The following MGAT5 variants were observed in gnomAD, a reference collection of about 807,000 sequenced individuals.
MGAT5 encodes alpha-1,6-mannosylglycoprotein 6-beta-N-acetylglucosaminyltransferase.
Under a neutral mutation model 94.3 loss-of-function variants are expected in MGAT5, and 30 were observed. The ratio of observed to expected loss-of-function variants is 0.32; its 90% CI spans 0.24 to 0.43. The LOEUF (loss-of-function observed/expected upper bound fraction) is 0.43. MGAT5 is among the 20% of genes least tolerant of loss of function. MGAT5 has a pLI of 1.00. For missense variants in MGAT5, 691 were observed against 905.5 expected, an observed-to-expected ratio of 0.76 and a Z score of 3.04; for synonymous variants, 310 against 322.9, an observed-to-expected ratio of 0.96 and a Z score of 0.43.
chr2:134,424,780 C>T (rs934300728), intron 13 of MGAT5, among the ~76,000 whole-genome samples: 1 of 152,232 alleles, frequency 6.6e-6, no homozygotes, highest in African/African-American at 2.4e-5. Context: ...TAGATATCCT[C>T]CCTTGCCTCT....
chr2:134,376,100 A>G (rs1282250820), intron 10 of MGAT5, among the ~76,000 whole-genome samples: 1 of 152,178 alleles, frequency 6.6e-6, no homozygotes. Flanking sequence ...AGGCCTCCAG[A>G]TGGTGCCAGC....
chr2:134,121,672 A>G (rs886297915), intron 1 of MGAT5, among the ~76,000 whole-genome samples: 1 of 152,186 alleles, frequency 6.6e-6, no homozygotes, highest in African/African-American at 2.4e-5. Context: ...GGAAGGGGCA[A>G]ACTCAGTTGT....
In MGAT5 at chr2:134,441,930, G is replaced by T. The variant is rs1685507496; in HGVS notation, c.2027+15G>T. 9 of 1,609,960 alleles carry T rather than the reference G, an allele frequency of 5.6e-6. No homozygotes were observed. The highest frequency in any genetic ancestry group is 1.3e-5 in the African/African-American group (1 of 74,802). ...GACATGCTGAAGTAAGTGCCCTGGG[G>T]TGGGGGTGGGGACTCAGCCCCTAGA... On this transcript the variant is annotated intron_variant, in intron 15 of 15. Coordinates refer to ENST00000281923, the MANE Select transcript of MGAT5 (RefSeq NM_002410.5).
chr2:134,158,800 A>G (rs1687596339), intron 1 of MGAT5, among the ~76,000 whole-genome samples: 1 of 152,094 alleles, frequency 6.6e-6, no homozygotes, highest in Non-Finnish European at 1.5e-5. Flanking sequence ...GATCCCCCCA[A>G]AGAGCTTTTA....
At chr2:134,200,377 A>G (rs1385478098) in intron 1 of MGAT5, among the ~76,000 whole-genome samples, 1 of 151,922 alleles carries the variant, frequency 6.6e-6, no homozygotes, top group Non-Finnish European at 1.5e-5. Flanking sequence ...TCTTCTGGAA[A>G]TTTCTCTCAT....
intron 1 of MGAT5, among the ~76,000 whole-genome samples, chr2:134,161,230 A>G (rs566783552): frequency 6.6e-6 from 1 of 152,216 alleles, no homozygotes; most frequent in African/African-American, 2.4e-5. Context: ...CCTTGCATTG[A>G]TAACTGAGCA....
At chr2:134,347,323 C>T (rs569690876) in intron 8 of MGAT5, among the ~76,000 whole-genome samples, 2 of 152,216 alleles carry the variant, frequency 1.3e-5, no homozygotes, top group East Asian at 1.9e-4. Flanking sequence ...GAGAGACATC[C>T]GATCATTCCA....
intron 1 of MGAT5, among the ~76,000 whole-genome samples, chr2:134,237,828 G>A (rs189636338): frequency 7.3e-5 from 11 of 150,248 alleles, no homozygotes; most frequent in Admixed American, 2.0e-4. Flanking sequence ...TTGGCTCACC[G>A]CAGCCTCTGC....
chr2:134,174,446 A>C (rs976234244), intron 1 of MGAT5, among the ~76,000 whole-genome samples: 4 of 152,292 alleles, frequency 2.6e-5, no homozygotes, highest in African/African-American at 7.2e-5. Context: ...GGCTAGTGCC[A>C]GTGGCTGGCA....
chr2:134,263,425 G>A (rs1233639302), intron 1 of MGAT5, among the ~76,000 whole-genome samples: 1 of 152,184 alleles, frequency 6.6e-6, no homozygotes, highest in African/African-American at 2.4e-5. Context: ...CACAAGTTCT[G>A]GTGAAAGCTT....
Position 134,424,566 on chromosome 2 carries a change from A to G in MGAT5, c.1794+1647A>G, listed in dbSNP as rs16830605. On this transcript the variant is annotated intron_variant, in intron 13 of 15. Coordinates refer to ENST00000281923, the MANE Select transcript of MGAT5 (RefSeq NM_002410.5). The stretch of plus-strand genomic sequence containing the variant: ...CACACACCAAAAGCTTCACTACTGG[A>G]GTCATTCCTATGGAAGGGTGAAGGT... Among the ~76,000 whole-genome samples the G allele has an allele frequency of 7.7e-3, 1,172 of 152,274 alleles. 15 individuals are homozygous for G. Among genetic ancestry groups the G allele is most frequent in the African/African-American group, 0.026 (1,089 of 41,520 alleles).
intron 6 of MGAT5, 67 bp from the exon 7 acceptor site, chr2:134,341,523 T>C: frequency 1.5e-6 from 2 of 1,319,528 alleles, no homozygotes; most frequent in Non-Finnish European, 1.0e-6. Flanking sequence ...CAATCATTTC[T>C]TGGCGCATTA....
intron 1 of MGAT5, among the ~76,000 whole-genome samples, chr2:134,138,674 G>C (rs1457114183): frequency 6.6e-6 from 1 of 152,174 alleles, no homozygotes; most frequent in African/African-American, 2.4e-5. Flanking sequence ...TGTGCACACT[G>C]TCTAATGTCA....
intron 1 of MGAT5, among the ~76,000 whole-genome samples, chr2:134,177,006 G>T (rs1289379792): frequency 6.6e-6 from 1 of 152,132 alleles, no homozygotes; most frequent in Non-Finnish European, 1.5e-5. Context: ...GCCCAAGTGG[G>T]TTCCCCTTAG....
chr2:134,161,359 C>T (rs1021129158), intron 1 of MGAT5, among the ~76,000 whole-genome samples: 6 of 152,184 alleles, frequency 3.9e-5, no homozygotes, highest in Non-Finnish European at 1.5e-5. Context: ...AGTCATTTTT[C>T]AGCTTTGTGT....
chr2:134,236,547 C>T (rs72846756), intron 1 of MGAT5, among the ~76,000 whole-genome samples: 11 of 152,114 alleles, frequency 7.2e-5, no homozygotes, highest in Non-Finnish European at 1.2e-4. Context: ...ACCTTCCCCC[C>T]CCTTTTGCTT....
In MGAT5 at chr2:134,222,162, G is replaced by C. The variant is rs1334567389; in HGVS notation, c.-142-32100G>C. On this transcript the variant is annotated intron_variant, in intron 1 of 16. Transcript: ENST00000409645. ...TTTAGTCTAAAACAATCCTGGATCA[G>C]ATCTATTTTCTGAGCTATCATGATC... is the stretch of plus-strand genomic sequence containing the variant. 3.1e-5 allele frequency among the ~76,000 whole-genome samples: 4 copies of C among 130,882 alleles called. No homozygotes were observed. In the South Asian group the frequency reaches 1.0e-3, roughly 33 times the overall value. 85.9% of individuals were successfully genotyped at this position (130,882 alleles called of 152,430 possible).
intron 10 of MGAT5, among the ~76,000 whole-genome samples, chr2:134,396,581 T>C (rs967710955): frequency 1.3e-5 from 2 of 152,192 alleles, no homozygotes; most frequent in Admixed American, 1.3e-4. Flanking sequence ...AATACACACT[T>C]AGGTAGTCTT....
intron 1 of MGAT5, among the ~76,000 whole-genome samples, chr2:134,156,824 CTCTT>C (rs1687501605): frequency 6.6e-6 from 1 of 152,192 alleles, no homozygotes; most frequent in Admixed American, 6.5e-5. Flanking sequence ...CTCCTCATCT[CTCTT>C]GTGTTATGGA....
Sources: gnomAD v4.1 joint callset for allele counts (sites outside exome capture counted in the v4.1 genomes callset) on GRCh38, gnomAD v4.1.1 for gene constraint, MANE v1.5 for transcripts, NCBI Gene and HGNC (gene_info 2026-07-23, HGNC 2026-07-21) for gene names.